Variants in TXNDC16 observed in about 807,000 individuals in gnomAD.
TXNDC16 encodes the protein thioredoxin domain containing 16.
Under a neutral mutation model 85.6 loss-of-function variants are expected in TXNDC16, and 74 were observed. That is an observed-to-expected ratio of 0.86 (90% CI 0.72 to 1.05). TXNDC16 has a LOEUF of 1.05. Ranked by LOEUF, TXNDC16 falls within the 50% of genes least tolerant of loss-of-function variation. The pLI is 0.00. For missense variants in TXNDC16, 959 were observed against 947.0 expected (o/e 1.01, Z -0.17); for synonymous variants, 335 against 326.5 (o/e 1.03, Z -0.28).
At chr14:52,442,549 C>T (rs2035191385) in intron 18 of TXNDC16, among the ~76,000 whole-genome samples, 1 of 152,304 alleles carries the variant, frequency 6.6e-6, no homozygotes, top group East Asian at 1.9e-4. Context: ...CTCAGAGCAG[C>T]TTGCATTTGC....
At chr14:52,447,966 T>C (rs1029407630) in intron 18 of TXNDC16, among the ~76,000 whole-genome samples, 4 of 151,558 alleles carry the variant, frequency 2.6e-5, no homozygotes, top group African/African-American at 9.7e-5. Context: ...ATTACTGAGC[T>C]TGAAGACAGG....
At chr14:52,466,968 T>C (rs1377391939) in intron 16 of TXNDC16, among the ~76,000 whole-genome samples, 1 of 151,924 alleles carries the variant, frequency 6.6e-6, no homozygotes, top group Non-Finnish European at 1.5e-5. Flanking sequence ...ATTACTAATG[T>C]TCACCTAGTA....
chr14:52,503,040 G>A (rs1226923968), intron 9 of TXNDC16, among the ~76,000 whole-genome samples: 4 of 152,342 alleles, frequency 2.6e-5, no homozygotes, highest in Non-Finnish European at 4.4e-5. Flanking sequence ...AGGGGCGCCC[G>A]CCATTGCCAA....
At chr14:52,532,687 C>T (rs2037610647) in intron 6 of TXNDC16, among the ~76,000 whole-genome samples, 3 of 152,020 alleles carry the variant, frequency 2.0e-5, no homozygotes, top group African/African-American at 2.4e-5. Context: ...CTGCCCACCT[C>T]GGCCTCCCAA....
At chr14:52,529,202 T>G (rs1396839779) in intron 6 of TXNDC16, among the ~76,000 whole-genome samples, 1 of 150,116 alleles carries the variant, frequency 6.7e-6, no homozygotes, top group Non-Finnish European at 1.5e-5. Context: ...CTGGAAACCA[T>G]CATTCTCAGC....
chr14:52,540,644 A>C (rs2140227390), intron 4 of TXNDC16, among the ~76,000 whole-genome samples: 1 of 152,194 alleles, frequency 6.6e-6, no homozygotes, highest in African/African-American at 2.4e-5. Flanking sequence ...AAGAAAAAAA[A>C]CTTCTATGGC....
chr14:52,525,630 G>A (rs933535619), intron 6 of TXNDC16, among the ~76,000 whole-genome samples: 14 of 151,102 alleles, frequency 9.3e-5, no homozygotes, highest in Admixed American at 2.6e-4. Flanking sequence ...CCCAGGAGGC[G>A]GAGGTTGCAG....
chr14:52,500,340 G>C (rs1019107501), intron 9 of TXNDC16, among the ~76,000 whole-genome samples: 3 of 152,170 alleles, frequency 2.0e-5, no homozygotes, highest in African/African-American at 7.2e-5. Context: ...TATTCTAAGT[G>C]AAATAAGCCA....
intron 18 of TXNDC16, among the ~76,000 whole-genome samples, chr14:52,442,365 C>A (rs951000558): frequency 6.6e-6 from 1 of 152,170 alleles, no homozygotes; most frequent in East Asian, 1.9e-4. Context: ...CACGGCTAAG[C>A]AGGGGGAAGG....
intron 6 of TXNDC16, among the ~76,000 whole-genome samples, chr14:52,525,724 AATAATAATAATAATAAT>A (rs1172920458): frequency 4.3e-4 from 61 of 140,598 alleles, no homozygotes; most frequent in African/African-American, 1.5e-3. Context: ...TAATAATAAT[AATAATAATAATAATAAT>A]AATAAATAAA....
In TXNDC16 at chr14:52,488,257, T is replaced by C. The variant is rs2036314982; in HGVS notation, c.1108+106A>G. 5.1e-5 allele frequency: 70 copies of C among 1,381,750 alleles called. 2 individuals carry two copies. The South Asian group carries it at 8.5e-4, about 17-fold the overall frequency. The allele number at this position is 1,381,750 out of a possible 1,614,324, so 85.6% of individuals were successfully genotyped here. A position where few individuals can be genotyped will look rare whatever the true frequency, so the allele number is the denominator to read the frequency against. On this transcript the variant is annotated intron_variant, in intron 12 of 20. Coordinates refer to ENST00000281741, the MANE Select transcript of TXNDC16 (RefSeq NM_020784.3). ...AATTCCGCCAGGTTTCTTTACAGAGTCTTGAATCTGAACACATTCTTGGAG... is the reference window on the plus strand; with the variant it reads ...AATTCCGCCAGGTTTCTTTACAGAGCCTTGAATCTGAACACATTCTTGGAG...
chr14:52,465,060 A>G (rs1020549161), intron 16 of TXNDC16, among the ~76,000 whole-genome samples: 8 of 152,198 alleles, frequency 5.3e-5, no homozygotes, highest in Non-Finnish European at 1.2e-4. Context: ...TTTCGTTTTT[A>G]CTTTTTACAA....
At chr14:52,506,336 G>C (rs1344266639) in intron 9 of TXNDC16, among the ~76,000 whole-genome samples, 5 of 152,086 alleles carry the variant, frequency 3.3e-5, no homozygotes, top group Admixed American at 6.6e-5. Context: ...TAAAATACTG[G>C]CAAACCAAAT....
intron 9 of TXNDC16, among the ~76,000 whole-genome samples, chr14:52,492,797 A>T (rs1281508746): frequency 6.6e-6 from 1 of 152,060 alleles, no homozygotes; most frequent in Non-Finnish European, 1.5e-5. Context: ...CCTTCTCACC[A>T]TTCCCCCTTC....
intron 4 of TXNDC16, among the ~76,000 whole-genome samples, chr14:52,538,220 T>C (rs1450301189): frequency 6.6e-6 from 1 of 152,200 alleles, no homozygotes; most frequent in Non-Finnish European, 1.5e-5. Context: ...ATACTTTTGC[T>C]CTTTTCACTC....
intron 20 of TXNDC16, among the ~76,000 whole-genome samples, chr14:52,434,023 C>A (rs2034968181): frequency 1.3e-5 from 2 of 151,666 alleles, no homozygotes; most frequent in Non-Finnish European, 2.9e-5. Flanking sequence ...TACAAAAAAT[C>A]AAAAAATAAA....
intron 16 of TXNDC16, 30 bp downstream of exon 16, chr14:52,470,007 T>C: frequency 6.3e-7 from 1 of 1,582,378 alleles, no homozygotes; most frequent in Non-Finnish European, 8.6e-7. Context: ...TATACTCTAC[T>C]GTATAATTTA....
intron 1 of TXNDC16, among the ~76,000 whole-genome samples, chr14:52,548,210 T>C (rs529231161): frequency 6.6e-6 from 1 of 152,180 alleles, no homozygotes; most frequent in African/African-American, 2.4e-5. Context: ...GCAGAACGAA[T>C]GTAGAAATGA....
intron 16 of TXNDC16, among the ~76,000 whole-genome samples, chr14:52,457,446 AATC>A (rs764606799): frequency 1.3e-5 from 2 of 152,174 alleles, no homozygotes; most frequent in Non-Finnish European, 2.9e-5. Context: ...ATAGCACTCT[AATC>A]ATAATTACTG....
Sources: allele counts gnomAD v4.1 joint callset (sites outside exome capture counted in the v4.1 genomes callset), GRCh38; gene constraint gnomAD v4.1.1; transcripts MANE v1.5; gene names NCBI Gene and HGNC (gene_info 2026-07-23, HGNC 2026-07-21).